PLPP1: variants seen among roughly 807,000 people sequenced by gnomAD.
PLPP1 encodes the protein lipid phosphate phosphohydrolase 1a.
A neutral mutation model predicts 31.2 loss-of-function variants in PLPP1; 24 were observed. The observed-to-expected ratio is 0.77, with a 90% CI of 0.56 to 1.08. PLPP1 has a LOEUF of 1.08. Ranked by LOEUF, PLPP1 falls within the 50% of genes least tolerant of loss-of-function variation. The pLI, the probability that PLPP1 is intolerant of heterozygous loss-of-function variation, is 0.00. For missense variants in PLPP1, 319 were observed against 342.7 expected (o/e 0.93, Z 0.55); for synonymous variants, 146 against 126.3 (o/e 1.16, Z -1.05).
chr5:55,477,470 T>C (rs1383883531), intron 1 of PLPP1, among the ~76,000 whole-genome samples: 2 of 148,194 alleles, frequency 1.3e-5, no homozygotes, highest in Non-Finnish European at 3.0e-5. Context: ...CTCGGCTCAC[T>C]GCACACTCCA....
chr5:55,493,608 C>G (rs1014663231), intron 1 of PLPP1, among the ~76,000 whole-genome samples: 1 of 151,958 alleles, frequency 6.6e-6, no homozygotes, highest in African/African-American at 2.4e-5. Flanking sequence ...AGCTGGGTGG[C>G]TGGGTGAGGT....
At chr5:55,517,044 A>G (rs1009639049) in intron 1 of PLPP1, among the ~76,000 whole-genome samples, 2 of 152,204 alleles carry the variant, frequency 1.3e-5, no homozygotes, top group African/African-American at 4.8e-5. Context: ...TCACTAAAAT[A>G]TGTCTATGGC....
chr5:55,427,495 T>C (rs546825333), intron 4 of PLPP1, among the ~76,000 whole-genome samples: 34 of 152,216 alleles, frequency 2.2e-4, no homozygotes, highest in African/African-American at 7.9e-4. Context: ...AAGTAAGTAG[T>C]CAAATCAAAA....
rs112874377 is a variant in PLPP1 at position 55,479,202 on chromosome 5, T to G, written c.59-3752A>C. Among the ~76,000 whole-genome samples, 969 of 152,152 alleles carry G rather than the reference T, an allele frequency of 6.4e-3. 15 individuals carry two copies. Among genetic ancestry groups the G allele is most frequent in the African/African-American group, 0.021 (863 of 41,492 alleles). On this transcript the variant is annotated intron_variant, in intron 1 of 5. Coordinates refer to ENST00000307259, the MANE Select transcript of PLPP1 (RefSeq NM_003711.4). ...ACCATGCCCAGCTAGTTTTTTTGTA[T>G]TATTAGTAGAGATGGGGTTTCACCA...
chr5:55,442,637 G>A (rs1241710039), intron 3 of PLPP1, among the ~76,000 whole-genome samples: 3 of 131,078 alleles, frequency 2.3e-5, no homozygotes, highest in Admixed American at 1.7e-4. Flanking sequence ...GGGTGACAGA[G>A]GGAGACGCCA....
intron 3 of PLPP1, among the ~76,000 whole-genome samples, chr5:55,449,026 A>G (rs1442610237): frequency 6.6e-6 from 1 of 152,212 alleles, no homozygotes; most frequent in African/African-American, 2.4e-5. Flanking sequence ...TTCAGTACAG[A>G]TGCAATTTTT....
intron 1 of PLPP1, among the ~76,000 whole-genome samples, chr5:55,489,226 T>C (rs1482082323): frequency 6.6e-6 from 1 of 152,090 alleles, no homozygotes; most frequent in African/African-American, 2.4e-5. Flanking sequence ...ATTATTACAA[T>C]TAATTTATTC....
intron 3 of PLPP1, among the ~76,000 whole-genome samples, chr5:55,452,975 A>G (rs3804266): frequency 0.86 from 130,814 of 152,186 alleles, 56,617 homozygotes; most frequent in South Asian, 0.92. Context: ...AATTCATGTC[A>G]TACTCTTAAC....
intron 3 of PLPP1, among the ~76,000 whole-genome samples, chr5:55,442,449 C>A (rs865875692): frequency 1.3e-5 from 2 of 152,088 alleles, no homozygotes; most frequent in Non-Finnish European, 2.9e-5. Context: ...GTCAGGAGAT[C>A]GAGACCATCC....
chr5:55,477,950 A>G (rs1752591236), intron 1 of PLPP1, among the ~76,000 whole-genome samples: 1 of 151,574 alleles, frequency 6.6e-6, no homozygotes, highest in South Asian at 2.1e-4. Flanking sequence ...ATGGCACTCC[A>G]GCCTGGGTGA....
intron 1 of PLPP1, among the ~76,000 whole-genome samples, chr5:55,478,675 G>C (rs1752607978): frequency 6.6e-6 from 1 of 152,142 alleles, no homozygotes; most frequent in Admixed American, 6.6e-5. Context: ...CACTAAGGCA[G>C]ACATGAGTGG....
intron 4 of PLPP1, 106 bp downstream of exon 4, chr5:55,441,745 C>A: frequency 8.4e-7 from 1 of 1,197,302 alleles, no homozygotes; most frequent in Non-Finnish European, 1.2e-6. Context: ...ATCTGTTTCA[C>A]CTTTTGCTAC....
At chr5:55,492,870 C>G (rs1051315244) in intron 1 of PLPP1, among the ~76,000 whole-genome samples, 1 of 152,142 alleles carries the variant, frequency 6.6e-6, no homozygotes, top group African/African-American at 2.4e-5. Context: ...GATTCCAACA[C>G]AAGCTATCTC....
intron 3 of PLPP1, among the ~76,000 whole-genome samples, chr5:55,444,281 ACATTGG>A (rs1030956744): frequency 6.6e-6 from 1 of 152,186 alleles, no homozygotes; most frequent in Non-Finnish European, 1.5e-5. Flanking sequence ...AGGTTTCGCC[ACATTGG>A]CCATGCTGGT....
chr5:55,504,878 A>G (rs1753238656), intron 1 of PLPP1, among the ~76,000 whole-genome samples: 1 of 149,890 alleles, frequency 6.7e-6, no homozygotes, highest in Middle Eastern at 3.4e-3. Context: ...TGACACCAAC[A>G]TGGCTCACCA....
Position 55,504,300 on chromosome 5 carries a change from G to T in PLPP1, c.59-28850C>A, listed in dbSNP as rs1269342348. Among the ~76,000 whole-genome samples the T allele has an allele frequency of 7.9e-5, 12 of 151,452 alleles. No homozygotes were observed. In the East Asian group the frequency reaches 2.3e-3, roughly 30 times the overall value. On this transcript the variant is annotated intron_variant, in intron 1 of 5. Transcript: ENST00000307259. Reference sequence around the variant, plus strand: ...GAATTGCTTGAACCCAGGAGGCGGAGGTTGCAGTGAGCAGACAGTGTCCTA... The same window carrying T: ...GAATTGCTTGAACCCAGGAGGCGGATGTTGCAGTGAGCAGACAGTGTCCTA...
intron 1 of PLPP1, among the ~76,000 whole-genome samples, chr5:55,519,183 C>T (rs1365197727): frequency 6.6e-6 from 1 of 152,134 alleles, no homozygotes; most frequent in African/African-American, 2.4e-5. Flanking sequence ...ATATAGATAT[C>T]CACACTAGCC....
chr5:55,439,547 C>T (rs1751573083), intron 4 of PLPP1, among the ~76,000 whole-genome samples: 1 of 152,162 alleles, frequency 6.6e-6, no homozygotes, highest in African/African-American at 2.4e-5. Flanking sequence ...TCTTTTAACA[C>T]AGTTGGTTCA....
chr5:55,469,788 C>T (rs1579945889), intron 2 of PLPP1, among the ~76,000 whole-genome samples: 1 of 152,182 alleles, frequency 6.6e-6, no homozygotes, highest in African/African-American at 2.4e-5. Flanking sequence ...CCTTACCTGG[C>T]TCAATGGCTC....
Sources: gnomAD v4.1 joint callset for allele counts (sites outside exome capture counted in the v4.1 genomes callset) on GRCh38, gnomAD v4.1.1 for gene constraint, MANE v1.5 for transcripts, NCBI Gene and HGNC (gene_info 2026-07-23, HGNC 2026-07-21) for gene names.